The following ATF7 variants were observed in gnomAD, a reference collection of about 807,000 sequenced individuals.
The protein encoded by ATF7 is activating transcription factor 7.
A neutral mutation model predicts 50.4 loss-of-function variants in ATF7; 10 were observed. That is an observed-to-expected ratio of 0.20 (90% CI 0.12 to 0.34). The LOEUF (loss-of-function observed/expected upper bound fraction) is 0.34. ATF7 is among the 10% of genes least tolerant of loss of function. The probability of loss-of-function intolerance (pLI) is 1.00; values close to 1 mark genes in which losing one functional copy is unlikely to be tolerated. For missense variants in ATF7, 465 were observed against 613.9 expected (o/e 0.76, Z 2.56); for synonymous variants, 201 against 226.4 (o/e 0.89, Z 1.01).
chr12:53,548,284 G>A (rs1940083053), intron 3 of ATF7, among the ~76,000 whole-genome samples: 1 of 152,144 alleles, frequency 6.6e-6, no homozygotes, highest in Admixed American at 6.6e-5. Flanking sequence ...TGGGATTACA[G>A]GTGTGAGCCA....
chr12:53,526,208 C>CA (rs558563596), intron 9 of ATF7, among the ~76,000 whole-genome samples: 49,024 of 120,792 alleles, frequency 0.41, 11,312 homozygotes, highest in Non-Finnish European at 0.54. Flanking sequence ...AACTCGGTCT[C>CA]AAAAAAAAAA....
rs191345098 is a variant in ATF7 at position 53,540,358 on chromosome 12, A to G, written c.265-2806T>C. Among the ~76,000 whole-genome samples the G allele has an allele frequency of 1.8e-4, 27 of 151,762 alleles. 1 individual carries two copies. In the Middle Eastern group the frequency reaches 0.01, roughly 58 times the overall value. Reference sequence around the variant, plus strand: ...ACAGAGTGAGACTCCGTCTCAAAAAAAAAAAAAAAGAAAAAAAAGTAGAAC... The same window carrying G: ...ACAGAGTGAGACTCCGTCTCAAAAAGAAAAAAAAAGAAAAAAAAGTAGAAC... On this transcript the variant is annotated intron_variant, in intron 4 of 11. Transcript: ENST00000420353.
chr12:53,592,048 AG>A (rs1275419336), intron 2 of ATF7, among the ~76,000 whole-genome samples: 1 of 152,256 alleles, frequency 6.6e-6, no homozygotes, highest in Non-Finnish European at 1.5e-5. Context: ...AAGATTTAAA[AG>A]CTTGGAATGA....
intron 3 of ATF7, among the ~76,000 whole-genome samples, chr12:53,544,428 T>C (rs1269817297): frequency 1.3e-5 from 2 of 152,156 alleles, no homozygotes; most frequent in African/African-American, 4.8e-5. Flanking sequence ...AATGATATTT[T>C]AAGGAGTGAG....
At chr12:53,592,510 A>C (rs1454757249) in intron 2 of ATF7, among the ~76,000 whole-genome samples, 1 of 152,196 alleles carries the variant, frequency 6.6e-6, no homozygotes, top group African/African-American at 2.4e-5. Context: ...CATTCTACAC[A>C]TTCTACCTCA....
intron 2 of ATF7, among the ~76,000 whole-genome samples, chr12:53,561,440 T>G (rs1340561886): frequency 6.6e-6 from 1 of 152,166 alleles, no homozygotes; most frequent in Non-Finnish European, 1.5e-5. Context: ...ACTGATCTTT[T>G]TTTTGAACAC....
chr12:53,607,401 A>G (rs899479466), intron 1 of ATF7, among the ~76,000 whole-genome samples: 1 of 152,194 alleles, frequency 6.6e-6, no homozygotes, highest in African/African-American at 2.4e-5. Context: ...ATGTCTTAAA[A>G]TGTTTTATAT....
At chr12:53,592,208 T>C (rs1592946592) in intron 2 of ATF7, among the ~76,000 whole-genome samples, 2 of 152,222 alleles carry the variant, frequency 1.3e-5, no homozygotes, top group African/African-American at 4.8e-5. Flanking sequence ...TACTTTCACA[T>C]GACAATTGCA....
chr12:53,548,137 G>C (rs1316588126), intron 3 of ATF7, among the ~76,000 whole-genome samples: 1 of 152,094 alleles, frequency 6.6e-6, no homozygotes, highest in Non-Finnish European at 1.5e-5. Context: ...CAAATGCTGG[G>C]ATTGTAGGCG....
chr12:53,520,470 C>A (rs989350869), intron 11 of ATF7, among the ~76,000 whole-genome samples: 4 of 152,114 alleles, frequency 2.6e-5, no homozygotes, highest in Admixed American at 2.6e-4. Flanking sequence ...CCCAGTTACT[C>A]AGGCTGAGTG....
chr12:53,587,843 ATT>A (rs201692852), intron 2 of ATF7, among the ~76,000 whole-genome samples: 644 of 61,538 alleles, frequency 0.01, 8 homozygotes, highest in African/African-American at 0.025. Flanking sequence ...ATATATATAT[ATT>A]TTTTTTTTTT....
intron 2 of ATF7, among the ~76,000 whole-genome samples, chr12:53,575,302 G>A (rs542602329): frequency 8.7e-4 from 132 of 152,264 alleles, no homozygotes; most frequent in Non-Finnish European, 1.7e-3. Flanking sequence ...AGCTGCTGGG[G>A]AGGCTGAGGC....
At chr12:53,533,034 C>A in intron 7 of ATF7, 126 bp downstream of exon 7, 2 of 810,128 alleles carry the variant, frequency 2.5e-6, no homozygotes, top group Non-Finnish European at 4.0e-6. Context: ...AGGCAGGCTG[C>A]CATGCTCAGC....
intron 1 of ATF7, among the ~76,000 whole-genome samples, chr12:53,603,839 TAAAAC>T (rs1264307955): frequency 6.6e-6 from 1 of 152,076 alleles, no homozygotes; most frequent in Non-Finnish European, 1.5e-5. Flanking sequence ...ATCTAACACT[TAAAAC>T]AAATCTTTAA....
chr12:53,516,466 G>T lies in ATF7; in HGVS notation c.*671C>A, dbSNP rs1937705227. 6.5e-6 allele frequency: 1 copy of T among 152,732 alleles called. No homozygotes were observed. Among genetic ancestry groups the T allele is most frequent in the Admixed American group, 6.5e-5 (1 of 15,288 alleles). 9.5% of individuals were successfully genotyped at this position (152,732 alleles called of 1,614,324 possible). A position where few individuals can be genotyped will look rare whatever the true frequency, so the allele number is the denominator to read the frequency against. On this transcript the variant is annotated 3_prime_UTR_variant, in exon 12 of 12. Coordinates refer to ENST00000420353, the MANE Select transcript of ATF7 (RefSeq NM_006856.3). ...TGAAAAAGAATTAGAACTCTTGAGG[G>T]TTTCTTTCTTTTTGGTGGCAGGTAG...
intron 2 of ATF7, among the ~76,000 whole-genome samples, chr12:53,559,169 T>C (rs112529183): frequency 0.028 from 4,203 of 152,088 alleles, 193 homozygotes; most frequent in African/African-American, 0.096. Flanking sequence ...TGGTGGAAAC[T>C]GTAAATAAGG....
chr12:53,582,017 C>A (rs993501453), intron 2 of ATF7, among the ~76,000 whole-genome samples: 2 of 151,802 alleles, frequency 1.3e-5, no homozygotes, highest in African/African-American at 4.8e-5. Flanking sequence ...GCGGGAAAAT[C>A]ATTTGAACTG....
At chr12:53,541,385 G>A (rs1939542722) in intron 4 of ATF7, among the ~76,000 whole-genome samples, 1 of 152,082 alleles carries the variant, frequency 6.6e-6, no homozygotes, top group Non-Finnish European at 1.5e-5. Flanking sequence ...AGAAAATCAG[G>A]AACACAGACT....
intron 2 of ATF7, among the ~76,000 whole-genome samples, chr12:53,597,250 G>A (rs1943200276): frequency 1.3e-5 from 2 of 152,060 alleles, no homozygotes; most frequent in African/African-American, 2.4e-5. Flanking sequence ...CTTACTGGTG[G>A]GAAGTGGATC....
Sources: allele counts gnomAD v4.1 joint callset (sites outside exome capture counted in the v4.1 genomes callset), GRCh38; gene constraint gnomAD v4.1.1; transcripts MANE v1.5; gene names NCBI Gene and HGNC (gene_info 2026-07-23, HGNC 2026-07-21).